PDE4D: variants seen among roughly 807,000 people sequenced by gnomAD.
PDE4D encodes 3',5'-cyclic-AMP phosphodiesterase 4D.
In PDE4D, 24 loss-of-function variants were observed where a neutral mutation model predicts 87.4. That is an observed-to-expected ratio of 0.27 (90% CI 0.20 to 0.39). The LOEUF is 0.39. Among genes scored for constraint, PDE4D ranks in the 10% least tolerant of loss-of-function variants. The probability of loss-of-function intolerance (pLI) is 1.00; values close to 1 mark genes in which losing one functional copy is unlikely to be tolerated. For missense variants in PDE4D, 714 were observed against 1,041.0 expected (o/e 0.69, Z 4.32); for synonymous variants, 384 against 383.2 (o/e 1.00, Z -0.02).
chr5:59,628,224 G>T (rs1175997317), intron 1 of PDE4D, among the ~76,000 whole-genome samples: 1 of 152,114 alleles, frequency 6.6e-6, no homozygotes, highest in Non-Finnish European at 1.5e-5. Flanking sequence ...GTACCATAAA[G>T]AAGAACAAAT....
At chr5:59,980,948 A>G (rs1761861369) in intron 3 of PDE4D, among the ~76,000 whole-genome samples, 1 of 152,154 alleles carries the variant, frequency 6.6e-6, no homozygotes, top group Admixed American at 6.5e-5. Flanking sequence ...TCTAATTTTA[A>G]TCTTGAAAAT....
chr5:59,339,126 C>T (rs1326571108), intron 1 of PDE4D, among the ~76,000 whole-genome samples: 2 of 152,182 alleles, frequency 1.3e-5, no homozygotes, highest in Non-Finnish European at 2.9e-5. Context: ...GAGACCTAGA[C>T]TGTGAGCAGC....
At position 60,268,481 on chromosome 5, in the gene PDE4D, C is replaced by G. The variant is rs116127113; in HGVS notation, c.-89-82794G>C. ...CGGGTGTGGACGGCTACCTCACAGG[C>G]TTAGCAACTTACAGAAGGTACCTCA... On this transcript the variant is annotated intron_variant, in intron 1 of 16. Transcript: ENST00000502484. Among the ~76,000 whole-genome samples, 260 of 152,296 alleles carry G rather than the reference C, an allele frequency of 1.7e-3. 1 individual carries two copies. Among genetic ancestry groups the G allele is most frequent in the Non-Finnish European group, 3.1e-3 (214 of 68,028 alleles).
At chr5:60,513,701 T>C (rs1281655905) in intron 1 of PDE4D, among the ~76,000 whole-genome samples, 1 of 151,868 alleles carries the variant, frequency 6.6e-6, no homozygotes, top group African/African-American at 2.4e-5. Context: ...ATTTAGAAAT[T>C]AGGTAATATA....
chr5:59,826,238 G>A (rs1324844951), intron 1 of PDE4D, among the ~76,000 whole-genome samples: 1 of 152,092 alleles, frequency 6.6e-6, no homozygotes, highest in Non-Finnish European at 1.5e-5. Context: ...AAGAACTCGA[G>A]TAATAATTTC....
rs535425700 is a variant in PDE4D at position 59,936,232 on chromosome 5, G to A, written c.272+52256C>T. 1.9e-4 allele frequency among the ~76,000 whole-genome samples: 29 copies of A among 152,128 alleles called. No homozygotes were observed. In the South Asian group the frequency reaches 3.1e-3, roughly 16 times the overall value. On this transcript the variant is annotated intron_variant, in intron 3 of 16. Coordinates refer to the PDE4D transcript ENST00000502484. ...GTTGTGGGGTAGGGGGAAGGGGGAGGGATAGCATTAGGAGATATACCTAAT... is the reference window on the plus strand; with the variant it reads ...GTTGTGGGGTAGGGGGAAGGGGGAGAGATAGCATTAGGAGATATACCTAAT...
intron 1 of PDE4D, among the ~76,000 whole-genome samples, chr5:60,497,803 C>T (rs1749887441): frequency 6.6e-6 from 1 of 152,154 alleles, no homozygotes; most frequent in Non-Finnish European, 1.5e-5. Flanking sequence ...TCTCCCACCC[C>T]TACCTGTTTT....
intron 1 of PDE4D, among the ~76,000 whole-genome samples, chr5:60,233,189 A>G (rs186463506): frequency 2.0e-5 from 3 of 148,400 alleles, no homozygotes; most frequent in Admixed American, 2.0e-4. Context: ...TCACACACAC[A>G]CACACATACA....
intron 13 of PDE4D, 65 bp downstream of exon 13, chr5:58,976,285 A>G: frequency 6.6e-7 from 1 of 1,518,300 alleles, no homozygotes; most frequent in South Asian, 1.3e-5. Context: ...TCAAAGCTGA[A>G]CACGCAGACA....
chr5:60,178,772 G>A (rs1177283629), intron 2 of PDE4D, among the ~76,000 whole-genome samples: 1 of 152,054 alleles, frequency 6.6e-6, no homozygotes, highest in African/African-American at 2.4e-5. Flanking sequence ...TTTGTTTTCA[G>A]TAATTTTAAT....
At chr5:59,002,538 T>C (rs1419660864) in intron 6 of PDE4D, among the ~76,000 whole-genome samples, 5 of 150,182 alleles carry the variant, frequency 3.3e-5, no homozygotes, top group African/African-American at 2.4e-5. Context: ...AAGAAGTCCA[T>C]GTTAACTTCA....
chr5:59,318,827 C>A (rs1369803605), intron 1 of PDE4D, among the ~76,000 whole-genome samples: 5 of 151,940 alleles, frequency 3.3e-5, no homozygotes, highest in Admixed American at 3.3e-4. Context: ...CCTTTCTGCA[C>A]AAGATGGCTG....
chr5:59,444,538 C>G (rs2034894), intron 1 of PDE4D, among the ~76,000 whole-genome samples: 21,261 of 152,156 alleles, frequency 0.14, 2,026 homozygotes, highest in Admixed American at 0.21. Flanking sequence ...CCCAGTCGGG[C>G]GCGGTGGCTC....
intron 1 of PDE4D, among the ~76,000 whole-genome samples, chr5:60,205,154 T>A (rs1335025330): frequency 6.6e-6 from 1 of 152,148 alleles, no homozygotes; most frequent in Non-Finnish European, 1.5e-5. Flanking sequence ...CTAGGTCCGC[T>A]GTCAGCTGCC....
At chr5:59,523,023 C>A (rs1348006064) in intron 1 of PDE4D, among the ~76,000 whole-genome samples, 2 of 152,164 alleles carry the variant, frequency 1.3e-5, no homozygotes, top group Non-Finnish European at 2.9e-5. Flanking sequence ...TTTAATTAGT[C>A]CTAAATGCAA....
At chr5:59,301,266 C>T (rs1770193408) in intron 1 of PDE4D, among the ~76,000 whole-genome samples, 2 of 151,970 alleles carry the variant, frequency 1.3e-5, no homozygotes, top group Non-Finnish European at 2.9e-5. Context: ...CTAACACACC[C>T]AACATTATAA....
chr5:60,102,220 GTTTTGTT>G (rs943381456), intron 2 of PDE4D, among the ~76,000 whole-genome samples: 2 of 151,734 alleles, frequency 1.3e-5, no homozygotes, highest in Non-Finnish European at 2.9e-5. Flanking sequence ...ATTTTGTTTT[GTTTTGTT>G]TTTTGTTTTT....
At chr5:60,015,158 A>G (rs1765389507) in intron 2 of PDE4D, among the ~76,000 whole-genome samples, 1 of 152,342 alleles carries the variant, frequency 6.6e-6, no homozygotes, top group Non-Finnish European at 1.5e-5. Flanking sequence ...CTAGATAAAG[A>G]GGGAACATCA....
intron 3 of PDE4D, among the ~76,000 whole-genome samples, chr5:59,946,221 C>T (rs1275139209): frequency 6.6e-6 from 1 of 152,192 alleles, no homozygotes; most frequent in Non-Finnish European, 1.5e-5. Flanking sequence ...AGTGCTGAGA[C>T]TCAGACAAGC....
Sources: gnomAD v4.1 joint callset for allele counts (sites outside exome capture counted in the v4.1 genomes callset) on GRCh38, gnomAD v4.1.1 for gene constraint, MANE v1.5 for transcripts, NCBI Gene and HGNC (gene_info 2026-07-23, HGNC 2026-07-21) for gene names.